SLC14A2: variants seen among roughly 807,000 people sequenced by gnomAD.
SLC14A2 encodes the protein solute carrier family 14 member 2, also known as urea transporter 2.
In SLC14A2, 91 loss-of-function variants were observed where a neutral mutation model predicts 104.6. That is an observed-to-expected ratio of 0.87 (90% CI 0.73 to 1.04). The LOEUF is 1.04. Ranked by LOEUF, SLC14A2 falls within the 50% of genes least tolerant of loss-of-function variation. SLC14A2 has a pLI of 0.00. For synonymous variants in SLC14A2, 476 were observed against 466.4 expected (o/e 1.02, Z -0.27); for missense variants, 1,189 against 1,156.0 (o/e 1.03, Z -0.41).
At chr18:45,312,244 G>A (rs867648689) in intron 1 of SLC14A2, among the ~76,000 whole-genome samples, 1 of 152,118 alleles carries the variant, frequency 6.6e-6, no homozygotes, top group Admixed American at 6.5e-5. Flanking sequence ...ATCAATAAAT[G>A]TTAGCTCTTA....
Position 45,643,935 on chromosome 18 carries a change from C to T in SLC14A2, c.1177-51C>T, listed in dbSNP as rs1178823618. 2.6e-6 allele frequency: 4 copies of T among 1,555,586 alleles called. No homozygotes were observed. In the Admixed American group the frequency reaches 6.8e-5, roughly 27 times the overall value. The stretch of plus-strand genomic sequence containing the variant: ...TCCTTCTCCCCCAGAGTCCCCAGCC[C>T]AACACAGGAAACTAGGAAACTTCTT... On this transcript the variant is annotated intron_variant, in intron 9 of 19. Transcript: ENST00000255226.
chr18:45,541,421 C>T (rs1212890049), intron 2 of SLC14A2, among the ~76,000 whole-genome samples: 1 of 152,234 alleles, frequency 6.6e-6, no homozygotes, highest in African/African-American at 2.4e-5. Flanking sequence ...CCATCCTAGT[C>T]CATTCATCTG....
intron 1 of SLC14A2, among the ~76,000 whole-genome samples, chr18:45,465,075 T>C (rs1171591260): frequency 6.6e-6 from 1 of 151,362 alleles, no homozygotes; most frequent in Middle Eastern, 3.2e-3. Context: ...AGAGAAATAA[T>C]AGGAAGACAA....
intron 1 of SLC14A2, among the ~76,000 whole-genome samples, chr18:45,341,450 C>T (rs2085392822): frequency 6.6e-6 from 1 of 152,176 alleles, no homozygotes; most frequent in South Asian, 2.1e-4. Flanking sequence ...GTGACACTGA[C>T]TTGTTTAATC....
At chr18:45,348,956 G>C (rs1388637419) in intron 1 of SLC14A2, among the ~76,000 whole-genome samples, 2 of 152,234 alleles carry the variant, frequency 1.3e-5, no homozygotes, top group African/African-American at 4.8e-5. Flanking sequence ...GAATGCTCAT[G>C]TCAGAGGTAT....
At chr18:45,605,635 C>T (rs575194522) in intron 2 of SLC14A2, among the ~76,000 whole-genome samples, 1 of 152,208 alleles carries the variant, frequency 6.6e-6, no homozygotes, top group South Asian at 2.1e-4. Context: ...GGCAGAATCA[C>T]AAAATATTAA....
the SLC14A2 span, among the ~76,000 whole-genome samples, chr18:45,176,891 A>G: frequency 6.6e-6 from 1 of 152,212 alleles, no homozygotes; most frequent in Non-Finnish European, 1.5e-5. Flanking sequence ...AATCTCCCAA[A>G]TTAAGCCCAA....
intron 2 of SLC14A2, among the ~76,000 whole-genome samples, chr18:45,550,651 AGT>A (rs2044044043): frequency 1.3e-5 from 2 of 152,190 alleles, no homozygotes; most frequent in Admixed American, 1.3e-4. Flanking sequence ...CTCGACAGAG[AGT>A]GTGCACTATA....
intron 1 of SLC14A2, among the ~76,000 whole-genome samples, chr18:45,432,156 C>T (rs2075067770): frequency 6.6e-6 from 1 of 152,074 alleles, no homozygotes; most frequent in South Asian, 2.1e-4. Flanking sequence ...TACTATTTTT[C>T]CATCTTTTAT....
chr18:45,304,649 A>G (rs1599659574), intron 1 of SLC14A2, among the ~76,000 whole-genome samples: 1 of 152,338 alleles, frequency 6.6e-6, no homozygotes, highest in South Asian at 2.1e-4. Context: ...TCTTTAAGCA[A>G]TGAATAGAAT....
chr18:45,520,531 C>A (rs1446459238), intron 2 of SLC14A2, among the ~76,000 whole-genome samples: 1 of 152,140 alleles, frequency 6.6e-6, no homozygotes, highest in Admixed American at 6.5e-5. Flanking sequence ...TTTAAAGTTG[C>A]ATTTATTTCT....
At chr18:45,268,873 G>A (rs917810866) in intron 1 of SLC14A2, among the ~76,000 whole-genome samples, 1 of 152,076 alleles carries the variant, frequency 6.6e-6, no homozygotes, top group African/African-American at 2.4e-5. Flanking sequence ...AGCAAAGGTG[G>A]AGGAATTGAA....
chr18:45,474,001 A>G (rs779628174), intron 1 of SLC14A2, among the ~76,000 whole-genome samples: 1 of 152,132 alleles, frequency 6.6e-6, no homozygotes, highest in Non-Finnish European at 1.5e-5. Flanking sequence ...TCAGTATGAT[A>G]TTGGCTGTGG....
At chr18:45,235,807 G>A (rs1054927553) in intron 1 of SLC14A2, among the ~76,000 whole-genome samples, 1 of 122,092 alleles carries the variant, frequency 8.2e-6, no homozygotes, top group African/African-American at 3.5e-5. Context: ...GTGTGTGTGT[G>A]TGTGTGTATA....
In SLC14A2 at chr18:45,388,864, G is replaced by A. The variant is rs150393861; in HGVS notation, c.-124-94369G>A. Among the ~76,000 whole-genome samples the A allele has an allele frequency of 4.1e-3, 622 of 152,300 alleles. 7 individuals are homozygous for A. The East Asian group carries it at 0.043, about 11-fold the overall frequency. On this transcript the variant is annotated intron_variant, in intron 1 of 20. Transcript: ENST00000586448. ...TAGGATGATAAAGCAAAGGAATTAT[G>A]CTTCCAAATGTGGATTGGCTTCTTC... is the stretch of plus-strand genomic sequence containing the variant.
intron 1 of SLC14A2, among the ~76,000 whole-genome samples, chr18:45,426,554 G>A (rs1302112138): frequency 1.3e-5 from 2 of 150,578 alleles, no homozygotes; most frequent in African/African-American, 2.4e-5. Flanking sequence ...ATGTGTGTGT[G>A]TGTGTGTGTG....
rs149118341 is a variant in SLC14A2, at chr18:45,230,664, C to A, written c.-125+17473C>A. 8.5e-5 allele frequency among the ~76,000 whole-genome samples: 13 copies of A among 152,306 alleles called. No individual in the cohort carries two copies. In the East Asian group the frequency reaches 2.5e-3, roughly 29 times the overall value. On this transcript the variant is annotated intron_variant, in intron 1 of 20. Transcript: ENST00000586448. ...GTTCTGGAGATTCAAATGTGAATGT[C>A]TTTGGGGGCCATTATTCTGCCTACC...
At chr18:45,566,511 G>A (rs889371489) in intron 2 of SLC14A2, among the ~76,000 whole-genome samples, 12 of 58,322 alleles carry the variant, frequency 2.1e-4, no homozygotes, top group Admixed American at 9.2e-4. Flanking sequence ...ATGCGCTCAC[G>A]CTCGCACACA....
the SLC14A2 span, among the ~76,000 whole-genome samples, chr18:45,170,993 C>T: frequency 6.6e-6 from 1 of 150,780 alleles, no homozygotes; most frequent in Non-Finnish European, 1.5e-5. Context: ...CACAGACACT[C>T]AAAATGATGA....
Sources: allele counts gnomAD v4.1 joint callset (sites outside exome capture counted in the v4.1 genomes callset), GRCh38; gene constraint gnomAD v4.1.1; transcripts MANE v1.5; gene names NCBI Gene and HGNC (gene_info 2026-07-23, HGNC 2026-07-21).